EXOC4: variants seen among roughly 807,000 people sequenced by gnomAD.
EXOC4 encodes exocyst complex component 4, also known as SEC8-like 1.
A neutral mutation model predicts 107.2 loss-of-function variants in EXOC4; 71 were observed. The ratio of observed to expected loss-of-function variants is 0.66; its 90% CI spans 0.55 to 0.81. EXOC4 has a LOEUF of 0.81. Ranked by LOEUF, EXOC4 falls within the 30% of genes least tolerant of loss-of-function variation. The probability of loss-of-function intolerance (pLI) is 0.00; values close to 1 mark genes in which losing one functional copy is unlikely to be tolerated. For synonymous variants in EXOC4, 456 were observed against 441.2 expected, an observed-to-expected ratio of 1.03 and a Z score of -0.42; for missense variants, 1,108 against 1,189.6, an observed-to-expected ratio of 0.93 and a Z score of 1.01.
chr7:133,602,582 A>C (rs1801834414), intron 9 of EXOC4, among the ~76,000 whole-genome samples: 1 of 152,252 alleles, frequency 6.6e-6, no homozygotes, highest in Non-Finnish European at 1.5e-5. Context: ...TGTGACTACA[A>C]AACTAGAATG....
intron 10 of EXOC4, among the ~76,000 whole-genome samples, chr7:133,691,268 G>A (rs1022473406): frequency 2.0e-5 from 3 of 152,134 alleles, no homozygotes; most frequent in African/African-American, 7.2e-5. Context: ...GGTTGGAGAT[G>A]GACTGTGAAT....
At chr7:133,527,574 T>C (rs1800104392) in intron 9 of EXOC4, among the ~76,000 whole-genome samples, 1 of 152,058 alleles carries the variant, frequency 6.6e-6, no homozygotes, top group Non-Finnish European at 1.5e-5. Context: ...CTCTGAGCAA[T>C]AGGTAAAGGA....
At chr7:133,523,316 T>A (rs1301098141) in intron 9 of EXOC4, among the ~76,000 whole-genome samples, 1 of 152,166 alleles carries the variant, frequency 6.6e-6, no homozygotes. Context: ...ATAAATTAGT[T>A]TGGGGAGGTC....
chr7:133,418,878 C>T (rs576126854), intron 7 of EXOC4, among the ~76,000 whole-genome samples: 22 of 152,128 alleles, frequency 1.4e-4, no homozygotes, highest in African/African-American at 4.6e-4. Context: ...CCTTTGTATA[C>T]GGTAAGCTTT....
intron 11 of EXOC4, among the ~76,000 whole-genome samples, chr7:133,872,488 G>A (rs1026600154): frequency 9.2e-5 from 14 of 152,072 alleles, no homozygotes; most frequent in Non-Finnish European, 1.6e-4. Flanking sequence ...ATCTCTAGTG[G>A]TCTAGGCACT....
At chr7:133,952,428 A>G (rs754274829) in intron 14 of EXOC4, among the ~76,000 whole-genome samples, 34 of 152,164 alleles carry the variant, frequency 2.2e-4, no homozygotes, top group Middle Eastern at 3.2e-3. Context: ...ACACACTTAC[A>G]GGAATTCTGG....
chr7:133,790,014 CCT>C (rs1248541634), intron 10 of EXOC4, among the ~76,000 whole-genome samples: 1 of 152,196 alleles, frequency 6.6e-6, no homozygotes, highest in Non-Finnish European at 1.5e-5. Flanking sequence ...ATGTAACAAA[CCT>C]GACGCCAGTA....
Position 133,573,902 on chromosome 7 carries a change from T to TG in EXOC4, c.1418-56142dup, listed in dbSNP as rs771440177. Among the ~76,000 whole-genome samples the TG allele has an allele frequency of 5.3e-5, 8 of 152,364 alleles. No individual in the cohort carries two copies. In the East Asian group the frequency reaches 1.5e-3, roughly 29 times the overall value. ...TCCTGTGTTAAGTACAAATTAACAA[T>TG]GTTGGGGACTTCATGTATTTCTACT... On this transcript the variant is annotated intron_variant, in intron 9 of 17. Coordinates refer to ENST00000253861, the MANE Select transcript of EXOC4 (RefSeq NM_021807.4).
chr7:133,771,094 A>G (rs1165712142), intron 10 of EXOC4, among the ~76,000 whole-genome samples: 2 of 151,988 alleles, frequency 1.3e-5, no homozygotes, highest in African/African-American at 4.8e-5. Context: ...TTGTTTTGGC[A>G]GCCTAGGCAG....
chr7:133,537,000 T>C (rs1800282690), intron 9 of EXOC4, among the ~76,000 whole-genome samples: 1 of 152,186 alleles, frequency 6.6e-6, no homozygotes, highest in South Asian at 2.1e-4. Flanking sequence ...AAATGTATCC[T>C]GTTTCAATTA....
intron 10 of EXOC4, among the ~76,000 whole-genome samples, chr7:133,682,823 G>A (rs1036209728): frequency 6.6e-6 from 1 of 152,212 alleles, no homozygotes; most frequent in Non-Finnish European, 1.5e-5. Flanking sequence ...TGACTCAAAT[G>A]CCGCACCTGC....
At chr7:134,087,646 C>T in the EXOC4 span, among the ~76,000 whole-genome samples, 97 of 152,236 alleles carry the variant, frequency 6.4e-4, no homozygotes, top group African/African-American at 2.3e-3. Context: ...TTTTACATTA[C>T]CCATGCCTCT....
rs933352695 is a variant in EXOC4 at position 133,454,479 on chromosome 7, T to C, written c.1183-20849T>C. On this transcript the variant is annotated intron_variant, in intron 7 of 17. Transcript: ENST00000253861. ...GCCTGGCTGGTTTTTGTATTTTTAATAGAGATGGGGTTTCGCCATGTTGTC... is the reference window on the plus strand; with the variant it reads ...GCCTGGCTGGTTTTTGTATTTTTAACAGAGATGGGGTTTCGCCATGTTGTC... 7.2e-5 allele frequency among the ~76,000 whole-genome samples: 11 copies of C among 152,232 alleles called. No individual in the cohort carries two copies. In the East Asian group the frequency reaches 1.9e-3, roughly 27 times the overall value.
chr7:133,550,681 A>G (rs1430529178), intron 9 of EXOC4, among the ~76,000 whole-genome samples: 2 of 152,176 alleles, frequency 1.3e-5, no homozygotes, highest in African/African-American at 4.8e-5. Context: ...ACTGAGATGC[A>G]GTTGCAAGAA....
intron 6 of EXOC4, among the ~76,000 whole-genome samples, chr7:133,361,879 A>G (rs1327918461): frequency 6.6e-6 from 1 of 152,218 alleles, no homozygotes; most frequent in Non-Finnish European, 1.5e-5. Flanking sequence ...TGATAGGTAC[A>G]AGGTGGTTCA....
chr7:133,581,073 C>T (rs1801256680), intron 9 of EXOC4, among the ~76,000 whole-genome samples: 1 of 152,128 alleles, frequency 6.6e-6, no homozygotes, highest in Non-Finnish European at 1.5e-5. Flanking sequence ...CTTTAGGGTA[C>T]ACACTGGGCC....
At chr7:133,359,812 T>A (rs966401918) in intron 6 of EXOC4, among the ~76,000 whole-genome samples, 1 of 152,202 alleles carries the variant, frequency 6.6e-6, no homozygotes, top group African/African-American at 2.4e-5. Flanking sequence ...GCCAGGATAC[T>A]TTCCCAGCCA....
At chr7:133,851,046 A>G (rs1798230874) in intron 11 of EXOC4, among the ~76,000 whole-genome samples, 1 of 152,318 alleles carries the variant, frequency 6.6e-6, no homozygotes, top group East Asian at 1.9e-4. Flanking sequence ...TCTCAAAATA[A>G]GATAACTAGA....
intron 14 of EXOC4, among the ~76,000 whole-genome samples, chr7:133,956,751 C>A (rs990466708): frequency 6.6e-6 from 1 of 152,088 alleles, no homozygotes; most frequent in Non-Finnish European, 1.5e-5. Flanking sequence ...TCCTATCAGT[C>A]AGTGTAAGCT....
Sources: allele counts gnomAD v4.1 joint callset (sites outside exome capture counted in the v4.1 genomes callset), GRCh38; gene constraint gnomAD v4.1.1; transcripts MANE v1.5; gene names NCBI Gene and HGNC (gene_info 2026-07-23, HGNC 2026-07-21).